The following CD44 variants were observed in gnomAD, a reference collection of about 807,000 sequenced individuals.
CD44 encodes CD44 molecule (IN blood group).
A neutral mutation model predicts 88.8 loss-of-function variants in CD44; 49 were observed. The observed-to-expected ratio is 0.55, with a 90% confidence interval of 0.44 to 0.70. CD44 has a LOEUF of 0.70. Among genes scored for constraint, CD44 ranks in the 30% least tolerant of loss-of-function variants. The probability of loss-of-function intolerance (pLI) is 0.00; values close to 1 mark genes in which losing one functional copy is unlikely to be tolerated. For synonymous variants in CD44, 325 were observed against 312.3 expected, an observed-to-expected ratio of 1.04 and a Z score of -0.43; for missense variants, 883 against 913.8, an observed-to-expected ratio of 0.97 and a Z score of 0.43.
Position 35,189,859 on chromosome 11 carries a change from G to A in CD44, c.461G>A (p.Arg154His), listed in dbSNP as rs374527448. Reference sequence around the variant, plus strand: ...GCTATTGTTAACCGTGATGGCACCCGCTATGTCCAGAAAGGAGAATACAGA... The same window carrying A: ...GCTATTGTTAACCGTGATGGCACCCACTATGTCCAGAAAGGAGAATACAGA... ...TITIVNRDGT[R>H]YVQKGEYRTN... is the part of the protein sequence containing the mutation. The change falls in exon 5 of 18, where the codon CGC (arginine) becomes CAC (histidine). Residue 154 changes from arginine to histidine, a missense_variant. By Grantham distance (29) the Arg-to-His change is conservative (BLOSUM62 0). This residue lies in a region of CD44 where 252 missense variants were observed against 322.9 expected (regional missense o/e 0.78). Transcript: ENST00000428726. The A allele has an allele frequency of 2.4e-5, 38 of 1,613,518 alleles. No individual in the cohort carries two copies. The highest frequency in any genetic ancestry group is 1.6e-4 in the Middle Eastern group (1 of 6,084).
chr11:35,192,253 T>C (rs564212961), intron 5 of CD44, among the ~76,000 whole-genome samples: 1 of 152,272 alleles, frequency 6.6e-6, no homozygotes, highest in East Asian at 1.9e-4. Context: ...TAGGACCCAA[T>C]GGGACCAGTA....
chr11:35,190,330 G>A (rs1287004364), intron 5 of CD44: 3 of 527,462 alleles, frequency 5.7e-6, no homozygotes, highest in African/African-American at 3.8e-5. Context: ...TTTGGGGAGA[G>A]CCCTCCTTAT....
intron 1 of CD44, among the ~76,000 whole-genome samples, chr11:35,166,959 G>A (rs1463183292): frequency 6.6e-6 from 1 of 152,194 alleles, no homozygotes; most frequent in Admixed American, 6.5e-5. Context: ...CCTTTCACCA[G>A]GAGCCCATCA....
chr11:35,192,790 CT>C (rs35505196), intron 5 of CD44, among the ~76,000 whole-genome samples: 17,790 of 109,496 alleles, frequency 0.16, 1,936 homozygotes, highest in African/African-American at 0.38. Flanking sequence ...GGAATTCTTT[CT>C]TTTTTTTTTT....
chr11:35,178,194 T>C (rs902680085), intron 2 of CD44, among the ~76,000 whole-genome samples: 3 of 152,230 alleles, frequency 2.0e-5, no homozygotes, highest in Admixed American at 6.5e-5. Context: ...GAAAGTGAAT[T>C]TAGTAAGCTG....
At chr11:35,225,585 G>A (rs1949641809) in intron 17 of CD44, among the ~76,000 whole-genome samples, 1 of 152,140 alleles carries the variant, frequency 6.6e-6, no homozygotes, top group South Asian at 2.1e-4. Context: ...GGGAGGCTGA[G>A]GCAGGCAGAT....
At chr11:35,165,713 C>G (rs1943183734) in intron 1 of CD44, among the ~76,000 whole-genome samples, 1 of 152,138 alleles carries the variant, frequency 6.6e-6, no homozygotes, top group Non-Finnish European at 1.5e-5. Flanking sequence ...TCTTGGGTGG[C>G]AGGAAGGCAA....
rs796535003 is a variant in CD44 at position 35,140,993 on chromosome 11, C to T, written c.67+1623C>T. 2.0e-5 allele frequency among the ~76,000 whole-genome samples: 3 copies of T among 149,940 alleles called. No homozygotes were observed. The South Asian group carries it at 6.5e-4, about 33-fold the overall frequency. Reference sequence around the variant, plus strand: ...CCAAGATTATGCCATTGCACTCCAGCCTGGGTGACAAAGCGTGACTCTGTT... The same window carrying T: ...CCAAGATTATGCCATTGCACTCCAGTCTGGGTGACAAAGCGTGACTCTGTT... On this transcript the variant is annotated intron_variant, in intron 1 of 17. Coordinates refer to ENST00000428726, the MANE Select transcript of CD44 (RefSeq NM_000610.4).
At chr11:35,167,123 C>G (rs555251983) in intron 1 of CD44, among the ~76,000 whole-genome samples, 1 of 152,184 alleles carries the variant, frequency 6.6e-6, no homozygotes, top group Non-Finnish European at 1.5e-5. Flanking sequence ...ATGACTTCTT[C>G]GTGTCCTATT....
At chr11:35,201,530 A>G (rs1406927627) in intron 8 of CD44, 141 bp from the exon 9 acceptor site, 1 of 953,596 alleles carries the variant, frequency 1.0e-6, no homozygotes, top group Non-Finnish European at 1.5e-6. Context: ...AGGTAAAGTC[A>G]CTCAAAATTT....
chr11:35,199,972 A>T (rs1042997183), intron 7 of CD44, among the ~76,000 whole-genome samples: 2 of 111,622 alleles, frequency 1.8e-5, no homozygotes, highest in African/African-American at 3.4e-5. Context: ...AATTTTTTAA[A>T]TCTCTATGGC....
intron 1 of CD44, among the ~76,000 whole-genome samples, chr11:35,140,761 C>T (rs1474202299): frequency 1.3e-5 from 2 of 152,106 alleles, no homozygotes; most frequent in African/African-American, 4.8e-5. Flanking sequence ...TGGCCCATGC[C>T]TGTAATCCTA....
rs1031100607 is a variant in CD44 at position 35,191,193 on chromosome 11, G to C, written c.667+1128G>C. On this transcript the variant is annotated intron_variant, in intron 5 of 17. Transcript: ENST00000428726. ...AATGCGCTGGCTTGTGAATACTCAA[G>C]ACAGGGCCCTTCTCTATTCCTTGTC... Among the ~76,000 whole-genome samples, 9 of 152,168 alleles carry C rather than the reference G, an allele frequency of 5.9e-5. No homozygotes were observed. The East Asian group carries it at 1.7e-3, about 29-fold the overall frequency.
At position 35,211,362 on chromosome 11, in the gene CD44, C is replaced by T. The variant is rs190050012; in HGVS notation, c.1723C>T (p.Pro575Ser). ...PHTKESRTFI[P>S]VTSAKTGSFG... Reference sequence around the variant, plus strand: ...CACGAAGGAAAGCAGGACCTTCATCCCAGTGACCTCAGCTAAGACTGGGTC... The same window carrying T: ...CACGAAGGAAAGCAGGACCTTCATCTCAGTGACCTCAGCTAAGACTGGGTC... Residue 575 changes from proline (P) to serine (S), a missense_variant, in exon 14 of 18, where the codon CCA becomes TCA. Transcript: ENST00000428726. The T allele has an allele frequency of 1.2e-6, 2 of 1,613,990 alleles. No homozygotes were observed. Among genetic ancestry groups the T allele is most frequent in the Non-Finnish European group, 1.7e-6 (2 of 1,179,884 alleles).
chr11:35,164,894 G>T (rs931118055), intron 1 of CD44, among the ~76,000 whole-genome samples: 2 of 152,176 alleles, frequency 1.3e-5, no homozygotes, highest in Admixed American at 6.5e-5. Flanking sequence ...TTGTATGTCC[G>T]TTGCATGGGA....
At chr11:35,145,905 G>C (rs1164041933) in intron 1 of CD44, among the ~76,000 whole-genome samples, 1 of 152,174 alleles carries the variant, frequency 6.6e-6, no homozygotes, top group African/African-American at 2.4e-5. Context: ...CATCCGACGG[G>C]GAGCCACTTT....
At chr11:35,195,459 C>G (rs537910496) in intron 5 of CD44, among the ~76,000 whole-genome samples, 7 of 151,968 alleles carry the variant, frequency 4.6e-5, no homozygotes, top group Non-Finnish European at 1.0e-4. Flanking sequence ...AAAGACAATG[C>G]TATTTTTAAA....
intron 1 of CD44, among the ~76,000 whole-genome samples, chr11:35,161,610 G>T (rs1942627649): frequency 1.3e-5 from 2 of 152,152 alleles, no homozygotes; most frequent in Admixed American, 1.3e-4. Context: ...ATTTTTTCTG[G>T]TCAAGACTCA....
At chr11:35,221,803 G>A in intron 17 of CD44, 71 bp downstream of exon 17, 1 of 1,351,890 alleles carries the variant, frequency 7.4e-7, no homozygotes, top group South Asian at 1.2e-5. Flanking sequence ...TATCCTTGCT[G>A]CTCAGAGCGT....
Sources: allele counts gnomAD v4.1 joint callset (sites outside exome capture counted in the v4.1 genomes callset), GRCh38; gene constraint gnomAD v4.1.1; regional missense constraint gnomAD v4.1.1; transcripts MANE v1.5; gene names NCBI Gene and HGNC (gene_info 2026-07-23, HGNC 2026-07-21).